CNTN3: variants seen among roughly 807,000 people sequenced by gnomAD.
CNTN3 encodes contactin 3, also known as contactin-3.
CNTN3 carries 60 observed loss-of-function variants against 119.1 expected under a neutral mutation model. That is an observed-to-expected ratio of 0.50 (90% CI 0.41 to 0.62). The LOEUF is 0.62. Ranked by LOEUF, CNTN3 falls within the 20% of genes least tolerant of loss-of-function variation. CNTN3 has a pLI of 0.00. For synonymous variants in CNTN3, 450 were observed against 438.7 expected (o/e 1.03, Z -0.32); for missense variants, 1,101 against 1,242.4 (o/e 0.89, Z 1.71).
intron 20 of CNTN3, among the ~76,000 whole-genome samples, chr3:74,273,602 T>C (rs935620343): frequency 6.6e-6 from 1 of 152,118 alleles, no homozygotes; most frequent in Non-Finnish European, 1.5e-5. Flanking sequence ...AGCTGAGAGC[T>C]GAGTCAATTT....
At chr3:74,388,386 G>C (rs1460532543) in intron 5 of CNTN3, among the ~76,000 whole-genome samples, 2 of 151,966 alleles carry the variant, frequency 1.3e-5, no homozygotes, top group South Asian at 2.1e-4. Context: ...TCGAATCACT[G>C]ATTTTAGAAT....
Position 74,371,220 on chromosome 3 carries a change from T to G in CNTN3, c.634A>C (p.Thr212Pro). 6.2e-7 allele frequency: 1 copy of G among 1,613,122 alleles called. No individual in the cohort carries two copies. The highest frequency in any genetic ancestry group is 8.5e-7 in the Non-Finnish European group (1 of 1,179,462). The change falls in exon 6 of 23, where the codon ACT becomes CCT. Residue 212 changes from threonine (T) to proline (P), a missense_variant. Transcript: ENST00000263665. The part of the protein sequence containing the change: ...VTNARVLGSP[T>P]PLVLRSDGVM... The stretch of plus-strand genomic sequence containing the variant: ...CCATCAGAACGTAGCACCAAAGGAG[T>G]TGGAGAGCCCAGCACTCGGGCATTT...
chr3:74,579,802 A>G (rs1222318387), intron 1 of CNTN3, among the ~76,000 whole-genome samples: 1 of 152,174 alleles, frequency 6.6e-6, no homozygotes, highest in East Asian at 1.9e-4. Context: ...CTTAATAGAA[A>G]AGAAGAGAGG....
chr3:74,487,610 G>A (rs1355555941), intron 3 of CNTN3, among the ~76,000 whole-genome samples: 1 of 152,146 alleles, frequency 6.6e-6, no homozygotes, highest in Non-Finnish European at 1.5e-5. Context: ...CTATTAATTG[G>A]TGGGATCAGG....
chr3:74,435,947 C>G (rs530926552), intron 4 of CNTN3, among the ~76,000 whole-genome samples: 6 of 152,276 alleles, frequency 3.9e-5, no homozygotes, highest in African/African-American at 1.4e-4. Flanking sequence ...GTTCAGTTTT[C>G]TTTATAAAAC....
chr3:74,500,256 T>G (rs956791949), intron 2 of CNTN3, among the ~76,000 whole-genome samples: 1 of 152,062 alleles, frequency 6.6e-6, no homozygotes, highest in Admixed American at 6.6e-5. Flanking sequence ...TTTGGTGGGA[T>G]GTCCATTTTA....
At chr3:74,439,205 G>A (rs1399760956) in intron 4 of CNTN3, among the ~76,000 whole-genome samples, 2 of 152,170 alleles carry the variant, frequency 1.3e-5, no homozygotes, top group African/African-American at 4.8e-5. Flanking sequence ...GATCAATGAT[G>A]ACTTCAATAT....
chr3:74,350,299 T>C (rs1434230319), intron 11 of CNTN3, among the ~76,000 whole-genome samples: 1 of 152,040 alleles, frequency 6.6e-6, no homozygotes, highest in Non-Finnish European at 1.5e-5. Context: ...AAAGACATAC[T>C]AGCAGCCAAC....
chr3:74,430,568 C>G (rs1701766740), intron 4 of CNTN3, among the ~76,000 whole-genome samples: 1 of 151,968 alleles, frequency 6.6e-6, no homozygotes, highest in Non-Finnish European at 1.5e-5. Context: ...TAGTGAGACC[C>G]CATCTCTTAA....
chr3:74,516,423 T>C (rs1251192844), intron 2 of CNTN3, among the ~76,000 whole-genome samples: 1 of 150,684 alleles, frequency 6.6e-6, no homozygotes, highest in Non-Finnish European at 1.5e-5. Context: ...ACTTAATGAA[T>C]AGTAACTACA....
chr3:74,485,485 C>T (rs1354594867), intron 4 of CNTN3, among the ~76,000 whole-genome samples: 1 of 151,862 alleles, frequency 6.6e-6, no homozygotes, highest in African/African-American at 2.4e-5. Context: ...AATATAATGG[C>T]ACAAGCAAAG....
chr3:74,280,771 A>C (rs925430044), intron 20 of CNTN3, among the ~76,000 whole-genome samples: 1 of 152,182 alleles, frequency 6.6e-6, no homozygotes, highest in Admixed American at 6.5e-5. Context: ...AGGGGCTGAC[A>C]CTCCGGCTAA....
intron 1 of CNTN3, among the ~76,000 whole-genome samples, chr3:74,580,329 C>G (rs1265571138): frequency 1.3e-5 from 2 of 152,102 alleles, no homozygotes; most frequent in African/African-American, 4.8e-5. Flanking sequence ...ATCAATCTTA[C>G]AAAATCTCGT....
intron 2 of CNTN3, among the ~76,000 whole-genome samples, chr3:74,501,079 A>C (rs1305598097): frequency 6.6e-6 from 1 of 151,910 alleles, no homozygotes; most frequent in Non-Finnish European, 1.5e-5. Flanking sequence ...CTCAGCTTCC[A>C]GGAGGAAATC....
intron 13 of CNTN3, among the ~76,000 whole-genome samples, chr3:74,322,874 G>T (rs79923656): frequency 0.16 from 24,647 of 152,090 alleles, 2,859 homozygotes; most frequent in East Asian, 0.49. Flanking sequence ...ATATTACTAA[G>T]TGAAAGAGGC....
chr3:74,313,763 G>A (rs1224387672), intron 13 of CNTN3, among the ~76,000 whole-genome samples: 1 of 152,086 alleles, frequency 6.6e-6, no homozygotes, highest in Non-Finnish European at 1.5e-5. Context: ...TGTACATGAA[G>A]CCTCCCTCAG....
chr3:74,462,341 G>A (rs1023208825), intron 4 of CNTN3, among the ~76,000 whole-genome samples: 8 of 151,960 alleles, frequency 5.3e-5, no homozygotes, highest in Admixed American at 5.3e-4. Flanking sequence ...AGACATAGAA[G>A]ACCTAATGTC....
At chr3:74,528,338 A>C (rs1176157565) in intron 1 of CNTN3, among the ~76,000 whole-genome samples, 1 of 151,826 alleles carries the variant, frequency 6.6e-6, no homozygotes, top group Non-Finnish European at 1.5e-5. Context: ...GTTTTTCTGC[A>C]AAGACAATTT....
At chr3:74,479,562 TTTTTAGAACACA>T (rs1314252092) in intron 4 of CNTN3, among the ~76,000 whole-genome samples, 1 of 152,146 alleles carries the variant, frequency 6.6e-6, no homozygotes, top group African/African-American at 2.4e-5. Context: ...AGCATACTAA[TTTTTAGAACACA>T]TGTTCTAGAA....
Sources: gnomAD v4.1 joint callset for allele counts (sites outside exome capture counted in the v4.1 genomes callset) on GRCh38, gnomAD v4.1.1 for gene constraint, MANE v1.5 for transcripts, NCBI Gene and HGNC (gene_info 2026-07-23, HGNC 2026-07-21) for gene names.